PITRM1: variants seen among roughly 807,000 people sequenced by gnomAD.
The protein encoded by PITRM1 is presequence protease, mitochondrial.
A neutral mutation model predicts 129.9 loss-of-function variants in PITRM1; 100 were observed. The ratio of observed to expected loss-of-function variants is 0.77; its 90% CI spans 0.65 to 0.91. The LOEUF (loss-of-function observed/expected upper bound fraction) is 0.91, where lower values mean the gene tolerates loss of function less well. Ranked by LOEUF, PITRM1 falls within the 40% of genes least tolerant of loss-of-function variation. PITRM1 has a pLI of 0.00. For missense variants in PITRM1, 1,471 were observed against 1,318.3 expected (o/e 1.12, Z -1.79); for synonymous variants, 591 against 508.8 (o/e 1.16, Z -2.17).
intron 9 of PITRM1, 42 bp from the exon 10 acceptor site, chr10:3,159,084 A>T (rs768716154): frequency 1.1e-5 from 18 of 1,570,046 alleles, no homozygotes; most frequent in Middle Eastern, 1.7e-4. Context: ...AGAAAAGAGT[A>T]AAGGGAAAAT....
In PITRM1 at chr10:3,165,545, G is replaced by T; in HGVS notation, c.419-18C>A. Reference sequence around the variant, plus strand: ...ATCACTAGCTGGGTACAAATGAAAAGTGAAATTGTAAAATATAACAGATTT... The same window carrying T: ...ATCACTAGCTGGGTACAAATGAAAATTGAAATTGTAAAATATAACAGATTT... On this transcript the variant is annotated intron_variant, in intron 4 of 26. Transcript: ENST00000224949. The T allele has an allele frequency of 7.4e-7, 1 of 1,350,336 alleles. No homozygotes were observed. The highest frequency in any genetic ancestry group is 1.1e-6 in the Non-Finnish European group (1 of 944,564). 83.6% of individuals were successfully genotyped at this position (1,350,336 alleles called of 1,614,324 possible).
At chr10:3,143,153 A>C in intron 23 of PITRM1, 1 of 544,074 alleles carries the variant, frequency 1.8e-6, no homozygotes, top group Non-Finnish European at 3.3e-6. Flanking sequence ...TATTGTTCAT[A>C]GGACTCCTCA....
At position 3,166,941 on chromosome 10, in the gene PITRM1, C is replaced by G. The variant is rs1166374773; in HGVS notation, c.261G>C (p.Leu87=). ...LHLAREDTNN[L]FSVQFRTTPM... ...TCTTACAATGCACCACACACCTGAA[C>G]AGATTATTCGTGTCTTCTCTGGCCA... Residue 87 remains leucine, a synonymous_variant, in exon 3 of 27, where the codon CTG becomes CTC. Coordinates refer to ENST00000224949, the MANE Select transcript of PITRM1 (RefSeq NM_014889.4). 2 of 1,583,066 alleles carry G rather than the reference C, an allele frequency of 1.3e-6. No homozygotes were observed. The highest frequency in any genetic ancestry group is 1.7e-5 in the Admixed American group (1 of 59,334).
chr10:3,142,769 G>A lies in PITRM1; in HGVS notation c.2645+620C>T, dbSNP rs558714963. The stretch of plus-strand genomic sequence containing the variant: ...CTTCTGACTTGGTGGGGAGACAGGG[G>A]AGACAAACTCCTTAGAGGGACTGTG... On this transcript the variant is annotated intron_variant, in intron 23 of 26. Coordinates refer to ENST00000224949, the MANE Select transcript of PITRM1 (RefSeq NM_014889.4). Among the ~76,000 whole-genome samples, 324 of 152,316 alleles carry A rather than the reference G, an allele frequency of 2.1e-3. 1 individual carries two copies. Among genetic ancestry groups the A allele is most frequent in the African/African-American group, 7.2e-3 (299 of 41,578 alleles).
intron 9 of PITRM1, 30 bp from the exon 10 acceptor site, chr10:3,159,072 TAAG>T (rs887655386): frequency 6.3e-7 from 1 of 1,588,026 alleles, no homozygotes; most frequent in African/African-American, 1.4e-5. Context: ...AACGGGGAGG[TAAG>T]AAAAGAGTAA....
chr10:3,170,687 C>T (rs1843256676), intron 1 of PITRM1, among the ~76,000 whole-genome samples: 1 of 152,188 alleles, frequency 6.6e-6, no homozygotes, highest in Non-Finnish European at 1.5e-5. Context: ...TGGAAAAGCA[C>T]TTGGCATTCT....
intron 23 of PITRM1, among the ~76,000 whole-genome samples, chr10:3,142,682 A>C (rs1286972997): frequency 6.6e-6 from 1 of 152,224 alleles, no homozygotes; most frequent in East Asian, 1.9e-4. Flanking sequence ...CTTTGGGAAC[A>C]GGCCTGACCC....
At chr10:3,143,964 T>G in intron 22 of PITRM1, 1 of 521,984 alleles carries the variant, frequency 1.9e-6, no homozygotes, top group Non-Finnish European at 3.5e-6. Context: ...TCGACTCAGC[T>G]CGGGAGCTAC....
In PITRM1 at chr10:3,140,754, T is replaced by C. The variant is rs1840105419; in HGVS notation, c.2704A>G (p.Lys902Glu). The C allele has an allele frequency of 6.3e-7, 1 of 1,594,924 alleles. No individual in the cohort carries two copies. The highest frequency in any genetic ancestry group is 1.7e-5 in the Admixed American group (1 of 57,264). ...AKFLHTEIRE[K>E]GGAYGGGAKL... ...GCGCCTCCACCATAAGCACCGCCTT[T>C]TTCTCGAATTTCTGTATGCAAGAAT... Residue 902 changes from lysine to glutamate, a missense_variant, in exon 24 of 27, where the codon AAA becomes GAA. Lys to Glu is a moderately conservative substitution (Grantham distance 56). Transcript: ENST00000224949.
In PITRM1 at chr10:3,143,457, C is replaced by A; in HGVS notation, c.2577G>T (p.Met859Ile). 2 of 1,613,842 alleles carry A rather than the reference C, an allele frequency of 1.2e-6. No homozygotes were observed. The highest frequency in any genetic ancestry group is 1.3e-5 in the African/African-American group (1 of 75,048). Reference sequence around the variant, plus strand: ...CACCCACGTAATTCACCGGGAAGGGCATCAGGAAGTGAGTCTTCATCTGCC... The same window carrying A: ...CACCCACGTAATTCACCGGGAAGGGAATCAGGAAGTGAGTCTTCATCTGCC... Reference protein sequence around the residue: ...KPWQMKTHFLMPFPVNYVGEC... With the variant: ...KPWQMKTHFLIPFPVNYVGEC... Residue 859 changes from methionine (M) to isoleucine (I), a missense_variant, in exon 23 of 27, where the codon ATG (methionine) becomes ATT (isoleucine). Coordinates refer to ENST00000224949, the MANE Select transcript of PITRM1 (RefSeq NM_014889.4).
Position 3,166,230 on chromosome 10 carries a change from TGTGAAGGCGTTCATGAACGTGGAGAGGG to T in PITRM1, c.389_416del (p.Ser130Ter), listed in dbSNP as rs1370323420. ...TTCTGTTCAGGATGCTGGTCTTACC[TGTGAAGGCGTTCATGAACGTGGAGAGGG>T]ACCGGTTCAACATTTTGAAGAAAGG... On this transcript the variant is annotated frameshift_variant and splice_region_variant, in exon 4 of 27. Coordinates refer to ENST00000224949, the MANE Select transcript of PITRM1 (RefSeq NM_014889.4). LOFTEE classifies it high-confidence loss of function. 1.2e-6 allele frequency: 2 copies of T among 1,608,776 alleles called. No homozygotes were observed. Among genetic ancestry groups the T allele is most frequent in the African/African-American group, 1.3e-5 (1 of 74,788 alleles).
At chr10:3,166,448 A>C in intron 3 of PITRM1, 68 bp from the exon 4 acceptor site, 3 of 834,678 alleles carry the variant, frequency 3.6e-6, no homozygotes, top group Non-Finnish European at 5.5e-6. Flanking sequence ...TCCCAGATGC[A>C]TCATCACCTC....
In PITRM1 at chr10:3,172,747, C is replaced by T. The variant is rs199766052; in HGVS notation, c.26G>A (p.Gly9Asp). MWRCGGRQ[G>D]LCVLRRLSGG... ...GCTCAGCCGCCTCAGCACACACAGG[C>T]CCTGCCGCCCGCCGCAGCGCCACAT... Residue 9 changes from glycine (G) to aspartate (D), a missense_variant, in exon 1 of 27, where the codon GGC becomes GAC. Gly to Asp is a moderately conservative substitution (Grantham distance 94). Transcript: ENST00000224949. 249 of 1,545,932 alleles carry T rather than the reference C, an allele frequency of 1.6e-4. No individual in the cohort carries two copies. The Admixed American group carries it at 2.4e-3, about 15-fold the overall frequency.
intron 21 of PITRM1, among the ~76,000 whole-genome samples, chr10:3,144,726 G>A (rs1840668451): frequency 6.6e-6 from 1 of 152,116 alleles, no homozygotes; most frequent in Non-Finnish European, 1.5e-5. Flanking sequence ...GATCACTTGA[G>A]CCCAGGAGGT....
At chr10:3,141,893 G>A (rs1042686347) in intron 23 of PITRM1, 30 of 223,618 alleles carry the variant, frequency 1.3e-4, no homozygotes, top group African/African-American at 6.2e-4. Flanking sequence ...GCCGTCAGCC[G>A]GGACTAGCGA....
In PITRM1 at chr10:3,159,906, A is replaced by T; in HGVS notation, c.949T>A (p.Ser317Thr). 2 of 1,604,280 alleles carry T rather than the reference A, an allele frequency of 1.2e-6. No individual in the cohort carries two copies. The highest frequency in any genetic ancestry group is 1.7e-6 in the Non-Finnish European group (2 of 1,174,606). The change falls in exon 9 of 27, where the codon TCA (serine) becomes ACA (threonine). Residue 317 changes from serine (S) to threonine (T), a missense_variant. Coordinates refer to ENST00000224949, the MANE Select transcript of PITRM1 (RefSeq NM_014889.4). The part of the protein sequence containing the change: ...REFQITCGPD[S>T]FATDPSKQTT... ...TGTTTAGAGGGATCTGTAGCAAATG[A>T]ATCCGGGCCACATGTTATCTGGAAT...
chr10:3,140,002 C>G, intron 24 of PITRM1, among the ~76,000 whole-genome samples: 1 of 152,368 alleles, frequency 6.6e-6, no homozygotes, highest in Admixed American at 6.5e-5. Flanking sequence ...TATCAGCCCC[C>G]TCACCTGGGG....
Position 3,138,895 on chromosome 10 carries a change from T to G in PITRM1, c.2917+9A>C. ...TGGGTTGAGATTCTCACTGTTATAC[T>G]CAAAATACCTTTGTCTGAAGGAGCG... On this transcript the variant is annotated intron_variant, in intron 25 of 26. Coordinates refer to ENST00000224949, the MANE Select transcript of PITRM1 (RefSeq NM_014889.4). The G allele has an allele frequency of 6.2e-7, 1 of 1,613,696 alleles. No individual in the cohort carries two copies. Among genetic ancestry groups the G allele is most frequent in the Non-Finnish European group, 8.5e-7 (1 of 1,179,604 alleles).
At chr10:3,169,425 C>T (rs1405573908) in intron 2 of PITRM1, among the ~76,000 whole-genome samples, 2 of 152,178 alleles carry the variant, frequency 1.3e-5, no homozygotes, top group Admixed American at 6.5e-5. Flanking sequence ...TGGCCCTCCG[C>T]GTGGCGTCCA....
Sources: allele counts gnomAD v4.1 joint callset (sites outside exome capture counted in the v4.1 genomes callset), GRCh38; gene constraint gnomAD v4.1.1; transcripts MANE v1.5; gene names NCBI Gene and HGNC (gene_info 2026-07-23, HGNC 2026-07-21).